BBX: variants seen among roughly 807,000 people sequenced by gnomAD.
BBX encodes HMG box transcription factor BBX.
Under a neutral mutation model 100.2 loss-of-function variants are expected in BBX, and 30 were observed. That is an observed-to-expected ratio of 0.30 (90% CI 0.22 to 0.41). BBX has a LOEUF of 0.41. Among genes scored for constraint, BBX ranks in the 10% least tolerant of loss-of-function variants. The pLI is 1.00. For synonymous variants in BBX, 376 were observed against 388.1 expected (o/e 0.97, Z 0.37); for missense variants, 1,023 against 1,129.8 (o/e 0.91, Z 1.35).
intron 13 of BBX, among the ~76,000 whole-genome samples, chr3:107,786,853 A>G (rs1489054101): frequency 6.6e-6 from 1 of 152,200 alleles, no homozygotes; most frequent in Non-Finnish European, 1.5e-5. Flanking sequence ...GTGAAAAGAC[A>G]TCCCACAGAA....
chr3:107,789,761 T>TA, intron 13 of BBX, 26 bp from the exon 14 acceptor site: 1 of 1,353,358 alleles, frequency 7.4e-7, no homozygotes, highest in Non-Finnish European at 1.0e-6. Flanking sequence ...GAATTTAAAA[T>TA]ATATTTATAT....
intron 3 of BBX, among the ~76,000 whole-genome samples, chr3:107,691,823 G>C (rs1289029605): frequency 1.3e-5 from 2 of 152,176 alleles, no homozygotes; most frequent in Admixed American, 6.5e-5. Context: ...TAATTCTAGT[G>C]TACCAAAGTG....
intron 2 of BBX, among the ~76,000 whole-genome samples, chr3:107,595,120 A>G (rs1367096899): frequency 6.6e-6 from 1 of 152,222 alleles, no homozygotes; most frequent in Non-Finnish European, 1.5e-5. Context: ...CTAGGGAACT[A>G]GGCTGGACCA....
Position 107,734,533 on chromosome 3 carries a change from G to T in BBX, c.669+1510G>T, listed in dbSNP as rs184067946. On this transcript the variant is annotated intron_variant, in intron 7 of 17. Coordinates refer to ENST00000325805, the MANE Select transcript of BBX (RefSeq NM_001142568.3). ...AAGCGTGTTCCAAAGGTGAATGTTG[G>T]ACTAATAATATGCACTTGACCTTTC... is the stretch of plus-strand genomic sequence containing the variant. Among the ~76,000 whole-genome samples, 5 of 152,218 alleles carry T rather than the reference G, an allele frequency of 3.3e-5. No individual in the cohort carries two copies. In the East Asian group the frequency reaches 9.7e-4, roughly 29 times the overall value.
chr3:107,809,386 C>T lies in BBX; in HGVS notation c.*3929C>T, dbSNP rs536653848. The T allele has an allele frequency of 6.6e-6, 1 of 152,386 alleles. No homozygotes were observed. The highest frequency in any genetic ancestry group is 1.9e-4 in the East Asian group (1 of 5,180). The allele number at this position is 152,386 out of a possible 1,614,324, so 9.4% of individuals were successfully genotyped here. On this transcript the variant is annotated 3_prime_UTR_variant, in exon 18 of 18. Coordinates refer to ENST00000325805, the MANE Select transcript of BBX (RefSeq NM_001142568.3). ...CATACAGCAAAGGAGAAGCACCCACCACTTCATCTGGGAAAAGGAAGGAAA... is the reference window on the plus strand; with the variant it reads ...CATACAGCAAAGGAGAAGCACCCACTACTTCATCTGGGAAAAGGAAGGAAA...
At chr3:107,763,059 T>A (rs2066026008) in intron 10 of BBX, among the ~76,000 whole-genome samples, 1 of 152,200 alleles carries the variant, frequency 6.6e-6, no homozygotes, top group Non-Finnish European at 1.5e-5. Flanking sequence ...AATTTTGTGT[T>A]CAGACTTGGG....
At chr3:107,716,495 A>G in intron 4 of BBX, 112 bp from the exon 5 acceptor site, 1 of 1,291,558 alleles carries the variant, frequency 7.7e-7, no homozygotes, top group Non-Finnish European at 1.1e-6. Flanking sequence ...TCAATGTGTA[A>G]GTTGTTTAAA....
At chr3:107,565,255 G>A (rs552759311) in intron 2 of BBX, among the ~76,000 whole-genome samples, 6 of 150,800 alleles carry the variant, frequency 4.0e-5, no homozygotes, top group Non-Finnish European at 8.9e-5. Flanking sequence ...AAATCAAATC[G>A]TAAAAGTTGT....
chr3:107,554,854 A>C (rs920006480), intron 2 of BBX, among the ~76,000 whole-genome samples: 1 of 152,174 alleles, frequency 6.6e-6, no homozygotes, highest in Non-Finnish European at 1.5e-5. Context: ...AGATCACTTG[A>C]GGTCGGGAGT....
chr3:107,600,811 G>A (rs1391853705), intron 2 of BBX, among the ~76,000 whole-genome samples: 2 of 152,012 alleles, frequency 1.3e-5, no homozygotes, highest in East Asian at 1.9e-4. Context: ...CCTCTGAGGA[G>A]GACTCACCTC....
chr3:107,697,007 G>T (rs2060656121), intron 3 of BBX, among the ~76,000 whole-genome samples: 1 of 151,716 alleles, frequency 6.6e-6, no homozygotes, highest in Admixed American at 6.6e-5. Flanking sequence ...TGAGACTTCT[G>T]CATTCTTCAC....
chr3:107,764,808 G>A (rs1009704088), intron 10 of BBX, among the ~76,000 whole-genome samples: 4 of 152,176 alleles, frequency 2.6e-5, no homozygotes, highest in African/African-American at 9.7e-5. Context: ...TTCCCACAAT[G>A]TAGCCTTATT....
intron 2 of BBX, among the ~76,000 whole-genome samples, chr3:107,582,684 A>C (rs2052375717): frequency 6.6e-6 from 1 of 152,084 alleles, no homozygotes; most frequent in Non-Finnish European, 1.5e-5. Flanking sequence ...TTAATGTTGT[A>C]TTGATGGGAA....
At chr3:107,727,454 C>G (rs2063034486) in intron 5 of BBX, among the ~76,000 whole-genome samples, 2 of 152,082 alleles carry the variant, frequency 1.3e-5, no homozygotes, top group African/African-American at 4.8e-5. Context: ...TCTAGTTTGG[C>G]CTTGTGTCCA....
At chr3:107,660,185 T>C (rs1236087588) in intron 3 of BBX, among the ~76,000 whole-genome samples, 1 of 152,156 alleles carries the variant, frequency 6.6e-6, no homozygotes, top group Non-Finnish European at 1.5e-5. Context: ...TCTGAAATAA[T>C]ATAATTGACT....
At chr3:107,579,445 T>C (rs779279122) in intron 2 of BBX, among the ~76,000 whole-genome samples, 1 of 152,126 alleles carries the variant, frequency 6.6e-6, no homozygotes, top group Non-Finnish European at 1.5e-5. Context: ...ACACACAGGG[T>C]CCAAGCTTCA....
intron 2 of BBX, among the ~76,000 whole-genome samples, chr3:107,537,996 A>G (rs746441700): frequency 1.4e-4 from 22 of 152,230 alleles, no homozygotes; most frequent in Non-Finnish European, 2.6e-4. Context: ...ATGGAATAGT[A>G]ACTGTGAGTC....
chr3:107,531,159 T>C (rs529350608), intron 2 of BBX, among the ~76,000 whole-genome samples: 1 of 152,326 alleles, frequency 6.6e-6, no homozygotes, highest in Non-Finnish European at 1.5e-5. Flanking sequence ...CTGAAGTTCA[T>C]TGACTTTATG....
At chr3:107,588,834 G>A (rs943074328) in intron 2 of BBX, among the ~76,000 whole-genome samples, 41 of 152,038 alleles carry the variant, frequency 2.7e-4, no homozygotes, top group Admixed American at 2.6e-3. Flanking sequence ...GAAAAAGACT[G>A]GGAATAAAAA....
Sources: allele counts gnomAD v4.1 joint callset (sites outside exome capture counted in the v4.1 genomes callset), GRCh38; gene constraint gnomAD v4.1.1; transcripts MANE v1.5; gene names NCBI Gene and HGNC (gene_info 2026-07-23, HGNC 2026-07-21).